Variants in TPST2 observed in about 807,000 individuals in gnomAD.
TPST2 encodes the protein tyrosylprotein sulfotransferase 2, also known as protein-tyrosine sulfotransferase 2.
A neutral mutation model predicts 27.8 loss-of-function variants in TPST2; 16 were observed. The ratio of observed to expected loss-of-function variants is 0.58; its 90% CI spans 0.39 to 0.88. TPST2 has a LOEUF of 0.88. Ranked by LOEUF, TPST2 falls within the 40% of genes least tolerant of loss-of-function variation. TPST2 has a pLI of 0.00. For missense variants in TPST2, 464 were observed against 543.1 expected (o/e 0.85, Z 1.45); for synonymous variants, 229 against 231.7 (o/e 0.99, Z 0.10).
In TPST2 at chr22:26,523,681, T is replaced by C. The variant is rs890946752; in HGVS notation, c.*2594A>G. ...TTCACTGCAACCTCTGCCTCCTGGG[T>C]TCAAGCAATTCTCCTGCCTCAGCCT... On this transcript the variant is annotated 3_prime_UTR_variant, in exon 7 of 7. Coordinates refer to ENST00000338754, the MANE Select transcript of TPST2 (RefSeq NM_003595.5). The C allele has an allele frequency of 6.6e-6, 1 of 152,186 alleles. No homozygotes were observed. The highest frequency in any genetic ancestry group is 2.4e-5 in the African/African-American group (1 of 41,434). 9.4% of individuals were successfully genotyped at this position (152,186 alleles called of 1,614,324 possible).
intron 1 of TPST2, among the ~76,000 whole-genome samples, chr22:26,564,825 GGGGTATCCTT>G (rs1927305170): frequency 6.6e-6 from 1 of 152,160 alleles, no homozygotes; most frequent in African/African-American, 2.4e-5. Context: ...AGCCATGGAA[GGGGTATCCTT>G]GGACCTGCAA....
chr22:26,583,132 A>G (rs1928182351), intron 1 of TPST2, among the ~76,000 whole-genome samples: 2 of 151,254 alleles, frequency 1.3e-5, no homozygotes, highest in Admixed American at 6.6e-5. Context: ...AAAAAAAAAA[A>G]AAAGAACAAA....
intron 4 of TPST2, among the ~76,000 whole-genome samples, chr22:26,533,339 G>T (rs1387871248): frequency 6.6e-6 from 1 of 152,146 alleles, no homozygotes; most frequent in Non-Finnish European, 1.5e-5. Context: ...AGGATTGGTT[G>T]AGCCCGGGAG....
chr22:26,558,456 C>CA (rs1351949876), intron 1 of TPST2, among the ~76,000 whole-genome samples: 2 of 151,952 alleles, frequency 1.3e-5, no homozygotes, highest in African/African-American at 4.8e-5. Flanking sequence ...CAAAACAAAA[C>CA]AAAAAAATTA....
At position 26,532,660 on chromosome 22, in the gene TPST2, A is replaced by G. The variant is rs138122503; in HGVS notation, c.1092+35T>C. 82 of 1,609,354 alleles carry G rather than the reference A, an allele frequency of 5.1e-5. No homozygotes were observed. The East Asian group carries it at 1.8e-3, about 35-fold the overall frequency. ...AGCCAGATGGTGGTATAGCTGAGAA[A>G]GACAGAATTCGGAATTCCCCTTGGG... On this transcript the variant is annotated intron_variant, in intron 5 of 6. Coordinates refer to ENST00000338754, the MANE Select transcript of TPST2 (RefSeq NM_003595.5).
At position 26,522,940 on chromosome 22, in the gene TPST2, T is replaced by C. The variant is rs1924631943; in HGVS notation, c.*3335A>G. On this transcript the variant is annotated 3_prime_UTR_variant, in exon 7 of 7. Coordinates refer to ENST00000338754, the MANE Select transcript of TPST2 (RefSeq NM_003595.5). ...AAAATAAAAAGTTAGGTAGGTGTCA[T>C]GGTCCAGCTACTCAGGAGGCTGAGG... 1 of 152,264 alleles carries C rather than the reference T, an allele frequency of 6.6e-6. No homozygotes were observed. The highest frequency in any genetic ancestry group is 1.5e-5 in the Non-Finnish European group (1 of 68,142). The allele number at this position is 152,264 out of a possible 1,614,324, so 9.4% of individuals were successfully genotyped here. A position where few individuals can be genotyped will look rare whatever the true frequency, so the allele number is the denominator to read the frequency against.
At chr22:26,570,485 T>TTAAAA (rs1228974018) in intron 1 of TPST2, among the ~76,000 whole-genome samples, 1 of 152,166 alleles carries the variant, frequency 6.6e-6, no homozygotes. Flanking sequence ...TACAGGGTTT[T>TTAAAA]TCCTTATGCG....
intron 1 of TPST2, among the ~76,000 whole-genome samples, chr22:26,586,278 C>T (rs1214666487): frequency 6.6e-6 from 1 of 151,916 alleles, no homozygotes; most frequent in African/African-American, 2.4e-5. Context: ...TGACCTAATA[C>T]CCTACAATCT....
At chr22:26,589,720 T>TC (rs1270801260) in intron 1 of TPST2, among the ~76,000 whole-genome samples, 2 of 150,884 alleles carry the variant, frequency 1.3e-5, no homozygotes, top group African/African-American at 4.9e-5. Flanking sequence ...CGCGCCGCCC[T>TC]CCCCCCCAGT....
chr22:26,554,110 T>C (rs894109672), intron 1 of TPST2, among the ~76,000 whole-genome samples: 1 of 152,176 alleles, frequency 6.6e-6, no homozygotes, highest in African/African-American at 2.4e-5. Context: ...AAGTGCTTTG[T>C]TGGAGATCAC....
At chr22:26,579,800 CAGAG>C (rs1363233636) in intron 1 of TPST2, among the ~76,000 whole-genome samples, 2 of 150,374 alleles carry the variant, frequency 1.3e-5, no homozygotes, top group African/African-American at 2.5e-5. Flanking sequence ...GAGGCAGAGA[CAGAG>C]GGAGATAGAG....
rs1377049896 is a variant in TPST2 at position 26,540,818 on chromosome 22, A to C, written c.813T>G (p.Ile271Met). The change falls in exon 3 of 7, where the codon ATT (isoleucine) becomes ATG (methionine). Residue 271 changes from isoleucine to methionine, a missense_variant. Transcript: ENST00000338754. ...ACAGGGAGACACCACCGGGCTTGCC[A>C]ATGAGGTCTTCATGGTGGAGGACAG... is the stretch of plus-strand genomic sequence containing the variant. The part of the protein sequence containing the change: ...SDAVLHHEDL[I>M]GKPGGVSLSK... 6.2e-7 allele frequency: 1 copy of C among 1,605,972 alleles called. No individual in the cohort carries two copies. The highest frequency in any genetic ancestry group is 8.5e-7 in the Non-Finnish European group (1 of 1,174,700).
intron 1 of TPST2, among the ~76,000 whole-genome samples, chr22:26,556,373 T>C (rs1239458348): frequency 6.6e-6 from 1 of 152,120 alleles, no homozygotes; most frequent in Non-Finnish European, 1.5e-5. Flanking sequence ...ACCCCGTCTC[T>C]ACTAAAATAC....
At chr22:26,586,997 C>T (rs1408974378) in intron 1 of TPST2, among the ~76,000 whole-genome samples, 1 of 152,188 alleles carries the variant, frequency 6.6e-6, no homozygotes, top group East Asian at 1.9e-4. Context: ...CATCTCAGGC[C>T]TGGGGGGTGG....
chr22:26,580,854 A>G (rs895221689), intron 1 of TPST2, among the ~76,000 whole-genome samples: 4 of 152,092 alleles, frequency 2.6e-5, no homozygotes, highest in African/African-American at 7.2e-5. Context: ...GAGGGTGGGG[A>G]GGAAGACTTT....
rs962983144 is a variant in TPST2, at chr22:26,532,794, T to C, written c.1042-49A>G. On this transcript the variant is annotated intron_variant, in intron 4 of 6. Coordinates refer to ENST00000338754, the MANE Select transcript of TPST2 (RefSeq NM_003595.5). ...CACTATTATGAAAATGGCCAAAAAA[T>C]AAAATTTAGTCATTCCCAACACATC... 5.1e-6 allele frequency: 8 copies of C among 1,583,552 alleles called. No homozygotes were observed. The Admixed American group carries it at 5.2e-5, about 10-fold the overall frequency.
At chr22:26,568,693 A>C (rs992971572) in intron 1 of TPST2, among the ~76,000 whole-genome samples, 1 of 152,180 alleles carries the variant, frequency 6.6e-6, no homozygotes, top group Admixed American at 6.5e-5. Context: ...AGGAACCCTC[A>C]GTTCTGGGAA....
intron 1 of TPST2, among the ~76,000 whole-genome samples, chr22:26,582,249 A>T (rs1227457344): frequency 1.3e-5 from 2 of 152,166 alleles, no homozygotes; most frequent in Non-Finnish European, 2.9e-5. Flanking sequence ...CAACACAGTG[A>T]AATCCCGTCT....
chr22:26,543,854 T>G (rs1452872293), intron 2 of TPST2, among the ~76,000 whole-genome samples: 1 of 152,142 alleles, frequency 6.6e-6, no homozygotes, highest in African/African-American at 2.4e-5. Flanking sequence ...GCAGGGTGAC[T>G]TGGGACACAG....
Sources: gnomAD v4.1 joint callset for allele counts (sites outside exome capture counted in the v4.1 genomes callset) on GRCh38, gnomAD v4.1.1 for gene constraint, MANE v1.5 for transcripts, NCBI Gene and HGNC (gene_info 2026-07-23, HGNC 2026-07-21) for gene names.